The following SHTN1 variants were observed in gnomAD, a reference collection of about 807,000 sequenced individuals.
SHTN1 encodes the protein shootin 1.
Under a neutral mutation model 83.1 loss-of-function variants are expected in SHTN1, and 42 were observed. The ratio of observed to expected loss-of-function variants is 0.51; its 90% CI spans 0.39 to 0.65. The LOEUF (loss-of-function observed/expected upper bound fraction) is 0.65. SHTN1 is among the 30% of genes least tolerant of loss of function. SHTN1 has a pLI of 0.00. For missense variants in SHTN1, 622 were observed against 737.8 expected (o/e 0.84, Z 1.82); for synonymous variants, 224 against 247.7 (o/e 0.90, Z 0.90).
At chr10:117,053,731 A>G (rs1852782304) in intron 1 of SHTN1, among the ~76,000 whole-genome samples, 1 of 152,222 alleles carries the variant, frequency 6.6e-6, no homozygotes, top group Non-Finnish European at 1.5e-5. Context: ...GAATTACCAC[A>G]TGACTCAGCA....
exon 1 of SHTN1, chr10:117,126,373 G>A (rs536937658): frequency 5.8e-6 from 1 of 171,336 alleles, no homozygotes; most frequent in East Asian, 1.8e-4. Flanking sequence ...GTGAGGTGCC[G>A]GGTCCAGGCT....
intron 6 of SHTN1, among the ~76,000 whole-genome samples, chr10:116,949,240 C>T (rs1849692407): frequency 6.6e-6 from 1 of 152,036 alleles, no homozygotes; most frequent in African/African-American, 2.4e-5. Flanking sequence ...GCACTGGCAC[C>T]TAAACATAAC....
chr10:116,993,017 C>CTTTTTTT (rs35364697), intron 1 of SHTN1, among the ~76,000 whole-genome samples: 4 of 121,226 alleles, frequency 3.3e-5, no homozygotes, highest in African/African-American at 9.5e-5. Context: ...TCTTTTTTTT[C>CTTTTTTT]TTTTTTTTTT....
chr10:116,968,499 G>A (rs1320243845), intron 3 of SHTN1, among the ~76,000 whole-genome samples, 153 bp downstream of exon 3: 1 of 152,222 alleles, frequency 6.6e-6, no homozygotes, highest in Non-Finnish European at 1.5e-5. Flanking sequence ...AAAGCTTAAA[G>A]TGATGCCTGG....
At chr10:116,891,794 G>A (rs1188457541) in intron 16 of SHTN1, among the ~76,000 whole-genome samples, 4 of 151,896 alleles carry the variant, frequency 2.6e-5, no homozygotes, top group Non-Finnish European at 5.9e-5. Flanking sequence ...TCAAACCTAA[G>A]GTGAAACTTT....
At chr10:117,092,495 T>C (rs17095666) in intron 1 of SHTN1, among the ~76,000 whole-genome samples, 3,596 of 152,298 alleles carry the variant, frequency 0.024, 128 homozygotes, top group East Asian at 0.12. Context: ...AGACACGGTA[T>C]TTAAAAATTG....
chr10:116,940,449 A>G lies in SHTN1; in HGVS notation c.858+17T>C. 1 of 1,612,828 alleles carries G rather than the reference A, an allele frequency of 6.2e-7. No individual in the cohort carries two copies. Among genetic ancestry groups the G allele is most frequent in the South Asian group, 1.1e-5 (1 of 90,892 alleles). ...TATGTGTGTGTGTACCTAAGATTCC[A>G]GAAGAAAATGGGTTACCTTTTGTTG... On this transcript the variant is annotated intron_variant, in intron 9 of 16. Transcript: ENST00000355371.
chr10:117,126,439 C>G (rs148001318), exon 1 of SHTN1: 1 of 237,672 alleles, frequency 4.2e-6, no homozygotes, highest in African/African-American at 2.4e-5. Context: ...CCTTTCTAGC[C>G]CTAGCACCTG....
At position 116,886,439 on chromosome 10, in the gene SHTN1, G is replaced by A; in HGVS notation, c.1801C>T (p.Pro601Ser). 6.2e-7 allele frequency: 1 copy of A among 1,611,770 alleles called. No individual in the cohort carries two copies. Among genetic ancestry groups the A allele is most frequent in the Non-Finnish European group, 8.5e-7 (1 of 1,178,648 alleles). Residue 601 changes from proline (P) to serine (S), a missense_variant, in exon 17 of 17, where the codon CCA becomes TCA. Physicochemically the swap from Pro to Ser is moderately conservative, Grantham distance 74. This residue lies in a region of SHTN1 where 231 missense variants were observed against 251.6 expected (regional missense o/e 0.92). Coordinates refer to ENST00000355371, the MANE Select transcript of SHTN1 (RefSeq NM_001127211.3). ...CCTTCATCCTCCTTGTGTTGAGTTG[G>A]ATCTTTTTCAGCAACCTGGTCTTTG... ...QTKDQVAEKD[P>S]TQHKEDEGEI...
chr10:116,911,482 C>G, intron 14 of SHTN1: 1 of 1,550,334 alleles, frequency 6.5e-7, no homozygotes, highest in Non-Finnish European at 8.7e-7. Flanking sequence ...CATGTACGGA[C>G]CCTTACATAT....
At chr10:116,936,283 C>T (rs1849157542) in intron 9 of SHTN1, among the ~76,000 whole-genome samples, 3 of 152,094 alleles carry the variant, frequency 2.0e-5, no homozygotes. Flanking sequence ...TTAGATCTTT[C>T]CTGCTTTCTC....
intron 1 of SHTN1, among the ~76,000 whole-genome samples, chr10:117,091,227 C>A (rs936972294): frequency 2.6e-5 from 4 of 152,182 alleles, no homozygotes; most frequent in African/African-American, 2.4e-5. Flanking sequence ...ATCGAGCTTA[C>A]GCGTTGTGCC....
chr10:117,051,436 A>G (rs534317871), intron 1 of SHTN1, among the ~76,000 whole-genome samples: 1 of 152,276 alleles, frequency 6.6e-6, no homozygotes, highest in African/African-American at 2.4e-5. Context: ...TTACCTTGAC[A>G]CCAAGCCAGA....
chr10:116,932,693 C>T (rs1051373133), intron 9 of SHTN1, among the ~76,000 whole-genome samples: 5 of 152,166 alleles, frequency 3.3e-5, no homozygotes, highest in African/African-American at 9.7e-5. Context: ...TTTCAACTAA[C>T]GTGGGTTTAT....
At position 116,881,666 on chromosome 10, in the gene SHTN1, ATAGGGCTG is replaced by A; in HGVS notation, c.*4670_*4677del. On this transcript the variant is annotated 3_prime_UTR_variant, in exon 17 of 17. Transcript: ENST00000355371. ...CAGCCGAAACAGGAGCATCCTCTGGATAGGGCTGTACACACCCCAGGTTCCAGCCACAC... is the reference window on the plus strand; with the variant it reads ...CAGCCGAAACAGGAGCATCCTCTGGATACACACCCCAGGTTCCAGCCACAC... 1 of 1,542,332 alleles carries A rather than the reference ATAGGGCTG, an allele frequency of 6.5e-7. No homozygotes were observed.
chr10:117,076,548 CAAAT>C (rs1047343328), intron 1 of SHTN1, among the ~76,000 whole-genome samples: 24 of 148,054 alleles, frequency 1.6e-4, no homozygotes, highest in Non-Finnish European at 3.0e-4. Context: ...AAAATGTGCA[CAAAT>C]AAACATATGT....
chr10:117,042,560 C>T (rs1852598945), intron 2 of SHTN1, among the ~76,000 whole-genome samples: 2 of 152,100 alleles, frequency 1.3e-5, no homozygotes, highest in African/African-American at 4.8e-5. Flanking sequence ...GAAAAACATA[C>T]TCCAATACAG....
At chr10:117,062,901 C>A (rs1589916425) in intron 1 of SHTN1, among the ~76,000 whole-genome samples, 1 of 152,152 alleles carries the variant, frequency 6.6e-6, no homozygotes, top group East Asian at 1.9e-4. Context: ...TTTCTTCATT[C>A]ATGGCAAGGC....
intron 2 of SHTN1, 56 bp downstream of exon 2, chr10:116,979,200 T>C (rs372788460): frequency 2.1e-6 from 3 of 1,437,124 alleles, no homozygotes; most frequent in Non-Finnish European, 9.8e-7. Context: ...CAATGCACTA[T>C]GCCGCCTAGG....
Sources: allele counts gnomAD v4.1 joint callset (sites outside exome capture counted in the v4.1 genomes callset), GRCh38; gene constraint gnomAD v4.1.1; regional missense constraint gnomAD v4.1.1; transcripts MANE v1.5; gene names NCBI Gene and HGNC (gene_info 2026-07-23, HGNC 2026-07-21).